NUTM2G: variants seen among roughly 807,000 people sequenced by gnomAD.
NUTM2G encodes the protein family with sequence similarity 22, member G.
NUTM2G carries 29 observed loss-of-function variants against 44.3 expected under a neutral mutation model. The ratio of observed to expected loss-of-function variants is 0.66; its 90% CI spans 0.49 to 0.89. The LOEUF (loss-of-function observed/expected upper bound fraction) is 0.89. NUTM2G is among the 40% of genes least tolerant of loss of function. The probability of loss-of-function intolerance (pLI) is 0.00; values close to 1 mark genes in which losing one functional copy is unlikely to be tolerated. For missense variants in NUTM2G, 502 were observed against 946.5 expected (o/e 0.53, Z 6.16); for synonymous variants, 205 against 395.9 (o/e 0.52, Z 5.72).
At position 96,937,168 on chromosome 9, in the gene NUTM2G, C is replaced by A; in HGVS notation, c.1087C>A (p.Pro363Thr). 2 of 1,612,428 alleles carry A rather than the reference C, an allele frequency of 1.2e-6. No individual in the cohort carries two copies. The highest frequency in any genetic ancestry group is 8.5e-7 in the Non-Finnish European group (1 of 1,179,860). Residue 363 changes from proline (P) to threonine (T), a missense_variant, in exon 5 of 7, where the codon CCC (proline) becomes ACC (threonine). Transcript: ENST00000372322. ...CAAGGCCCACCTGCCACCACCCAGG[C>A]CCCCGAGGCCAGCAGAGACCAAGGT... ...ETKAHLPPPR[P>T]PRPAETKVPE...
chr9:96,941,983 G>C (rs1352593632), downstream of NUTM2G, among the ~76,000 whole-genome samples: 1 of 151,170 alleles, frequency 6.6e-6, no homozygotes, highest in Non-Finnish European at 1.5e-5. Context: ...GCAGGTGCTG[G>C]GGGTATGCTG....
chr9:96,929,056 T>C lies in NUTM2G; in HGVS notation c.16+16T>C, dbSNP rs1826163030. 1 of 1,610,400 alleles carries C rather than the reference T, an allele frequency of 6.2e-7. No homozygotes were observed. The highest frequency in any genetic ancestry group is 8.5e-7 in the Non-Finnish European group (1 of 1,179,564). On this transcript the variant is annotated intron_variant, in intron 1 of 6. Transcript: ENST00000372322. ...TCAAATGGAGGTGAGCCTGTAGGGA[T>C]GGGGCATTATCCTAGTCTGCCTTGC...
rs1349284539 is a variant in NUTM2G, at chr9:96,937,175, G to A, written c.1094G>A (p.Arg365Lys). ...KAHLPPPRPP[R>K]PAETKVPEEI... Reference sequence around the variant, plus strand: ...CACCTGCCACCACCCAGGCCCCCGAGGCCAGCAGAGACCAAGGTCCCTGAG... The same window carrying A: ...CACCTGCCACCACCCAGGCCCCCGAAGCCAGCAGAGACCAAGGTCCCTGAG... Residue 365 changes from arginine (R) to lysine (K), a missense_variant, in exon 5 of 7, where the codon AGG (arginine) becomes AAG (lysine). Physicochemically the swap from Arg to Lys is conservative, Grantham distance 26. Coordinates refer to ENST00000372322, the MANE Select transcript of NUTM2G (RefSeq NM_001170741.3). 1.2e-6 allele frequency: 2 copies of A among 1,612,630 alleles called. No individual in the cohort carries two copies. The highest frequency in any genetic ancestry group is 1.7e-6 in the Non-Finnish European group (2 of 1,179,874).
chr9:96,935,390 G>T lies in NUTM2G; in HGVS notation c.776G>T (p.Arg259Leu), dbSNP rs2479288. Reference protein sequence around the residue: ...PTMTLEEGLWRAMREWQHTSN... With the variant: ...PTMTLEEGLWLAMREWQHTSN... ...ATGACGCTGGAGGAGGGACTGTGGC[G>T]GGCCATGCGGGAATGGCAGCACACG... The change falls in exon 3 of 7, where the codon CGG (arginine) becomes CTG (leucine). Residue 259 changes from arginine (R) to leucine (L), a missense_variant. By Grantham distance (102) the Arg-to-Leu change is moderately radical (BLOSUM62 -2). Coordinates refer to ENST00000372322, the MANE Select transcript of NUTM2G (RefSeq NM_001170741.3). The T allele has an allele frequency of 5.6e-6, 9 of 1,611,380 alleles. No homozygotes were observed. The highest frequency in any genetic ancestry group is 7.6e-6 in the Non-Finnish European group (9 of 1,179,666).
chr9:96,931,685 A>G, intron 1 of NUTM2G, 37 bp from the exon 2 acceptor site: 1 of 1,608,606 alleles, frequency 6.2e-7, no homozygotes, highest in Non-Finnish European at 8.5e-7. Flanking sequence ...GGACCTGGAG[A>G]CGCCAGCTCA....
chr9:96,937,001 C>T, intron 4 of NUTM2G, 63 bp from the exon 5 acceptor site: 1 of 1,420,882 alleles, frequency 7.0e-7, no homozygotes. Flanking sequence ...CTGCCCTCCC[C>T]TGTGTGGTGC....
In NUTM2G at chr9:96,936,563, A is replaced by G; in HGVS notation, c.981A>G (p.Pro327=). ...GPPAPEVVKQ[P]VYLPSKDGPK... ...CTGCCCCTGAGGTGGTCAAGCAGCC[A>G]GGTACAGCTTCCCACATTCCCACAG... Residue 327 remains proline, a splice_region_variant and synonymous_variant, in exon 4 of 7, where the codon CCA becomes CCG. Coordinates refer to ENST00000372322, the MANE Select transcript of NUTM2G (RefSeq NM_001170741.3). The G allele has an allele frequency of 6.4e-7, 1 of 1,551,804 alleles. No individual in the cohort carries two copies. Among genetic ancestry groups the G allele is most frequent in the Non-Finnish European group, 8.6e-7 (1 of 1,156,210 alleles).
chr9:96,935,372 T>C lies in NUTM2G; in HGVS notation c.758T>C (p.Leu253Pro). The C allele has an allele frequency of 1.2e-6, 2 of 1,611,850 alleles. No homozygotes were observed. The highest frequency in any genetic ancestry group is 1.7e-6 in the Non-Finnish European group (2 of 1,179,820). Reference protein sequence around the residue: ...SLARRKPTMTLEEGLWRAMRE... With the variant: ...SLARRKPTMTPEEGLWRAMRE... ...GCCCGGCGGAAGCCCACCATGACGC[T>C]GGAGGAGGGACTGTGGCGGGCCATG... is the stretch of plus-strand genomic sequence containing the variant. Residue 253 changes from leucine (L) to proline (P), a missense_variant, in exon 3 of 7, where the codon CTG becomes CCG. Physicochemically the swap from Leu to Pro is moderately conservative, Grantham distance 98. Transcript: ENST00000372322.
At chr9:96,935,644 G>T (rs182755257) in intron 3 of NUTM2G, among the ~76,000 whole-genome samples, 188 bp downstream of exon 3, 1 of 152,150 alleles carries the variant, frequency 6.6e-6, no homozygotes, top group Admixed American at 6.5e-5. Context: ...TCTCTGTCCC[G>T]CCCTCTTGGG....
chr9:96,931,736 G>A lies in NUTM2G; in HGVS notation c.31G>A (p.Gly11Arg). 1.2e-6 allele frequency: 2 copies of A among 1,611,542 alleles called. No homozygotes were observed. Among genetic ancestry groups the A allele is most frequent in the Non-Finnish European group, 8.5e-7 (1 of 1,179,826 alleles). ...TGTCTCCACAGCATACCCAGTGCTG[G>A]GACCCGGCGTGACCGTGAACCCTGG... MASNGAYPVLGPGVTVNPGTS... is the reference protein window; with the variant it reads MASNGAYPVLRPGVTVNPGTS... The change falls in exon 2 of 7, where the codon GGA becomes AGA. Residue 11 changes from glycine (G) to arginine (R), a missense_variant. Transcript: ENST00000372322.
chr9:96,932,981 T>TTCTTTC (rs552920928), intron 2 of NUTM2G, among the ~76,000 whole-genome samples: 1 of 146,608 alleles, frequency 6.8e-6, no homozygotes, highest in African/African-American at 2.5e-5. Flanking sequence ...TTCTTTTCTT[T>TTCTTTC]TTTTTTTTTT....
intron 4 of NUTM2G, 147 bp from the exon 5 acceptor site, chr9:96,936,917 T>C (rs1826449567): frequency 2.1e-5 from 28 of 1,348,582 alleles, no homozygotes; most frequent in Non-Finnish European, 2.8e-5. Context: ...GTGCCCCTCC[T>C]GCGGCGTCTC....
At chr9:96,930,872 GTTTTTTTTTTTTTTTTTTTTTTTT>G (rs1168888338) in intron 1 of NUTM2G, among the ~76,000 whole-genome samples, 8,074 of 72,468 alleles carry the variant, frequency 0.11, 419 homozygotes, top group Non-Finnish European at 0.14. Flanking sequence ...CCATCCAGTG[GTTTTTTTTTTTTTTTTTTTTTTTT>G]TTTTTTTTTT....
downstream of NUTM2G, chr9:96,940,368 A>G (rs1826563886): frequency 1.3e-5 from 2 of 149,804 alleles, no homozygotes; most frequent in East Asian, 2.2e-4. Context: ...TGAGGACTGC[A>G]TCAGGAGAGG....
downstream of NUTM2G, among the ~76,000 whole-genome samples, chr9:96,940,527 C>A (rs1826566585): frequency 6.6e-6 from 1 of 150,538 alleles, no homozygotes; most frequent in Middle Eastern, 3.2e-3. Flanking sequence ...ATGGACAGGA[C>A]CCAGCACCTG....
intron 2 of NUTM2G, 78 bp downstream of exon 2, chr9:96,932,496 T>C (rs1826295411): frequency 1.7e-6 from 2 of 1,161,982 alleles, no homozygotes; most frequent in Non-Finnish European, 2.5e-6. Context: ...GAGGTCACAC[T>C]GTTCAGGGGA....
At position 96,936,498 on chromosome 9, in the gene NUTM2G, C is replaced by G. The variant is rs766728492; in HGVS notation, c.916C>G (p.Pro306Ala). 3.2e-6 allele frequency: 5 copies of G among 1,549,784 alleles called. No individual in the cohort carries two copies. In the Admixed American group the frequency reaches 9.5e-5, roughly 30 times the overall value. The change falls in exon 4 of 7, where the codon CCT (proline) becomes GCT (alanine). Residue 306 changes from proline to alanine, a missense_variant. By Grantham distance (27) the Pro-to-Ala change is conservative (BLOSUM62 -1). Coordinates refer to ENST00000372322, the MANE Select transcript of NUTM2G (RefSeq NM_001170741.3). The stretch of plus-strand genomic sequence containing the variant: ...GTGGATGAAGGGGCCCCAGAGCCTG[C>G]CTCCTCCAGCCCCGCCGAGGCTTGA... ...SQWMKGPQSLPPPAPPRLEPR... is the reference protein window; with the variant it reads ...SQWMKGPQSLAPPAPPRLEPR...
intron 1 of NUTM2G, 92 bp downstream of exon 1, chr9:96,929,132 G>C (rs1237540596): frequency 6.3e-7 from 1 of 1,575,864 alleles, no homozygotes; most frequent in Non-Finnish European, 8.7e-7. Context: ...ACAGCTTATA[G>C]GGCTGATGTT....
At chr9:96,940,482 C>T (rs1826565864), downstream of NUTM2G, among the ~76,000 whole-genome samples, 1 of 150,302 alleles carries the variant, frequency 6.7e-6, no homozygotes, top group African/African-American at 2.5e-5. Context: ...GCCCCCCTTA[C>T]CCCTAACCCA....
Sources: allele counts gnomAD v4.1 joint callset (sites outside exome capture counted in the v4.1 genomes callset), GRCh38; gene constraint gnomAD v4.1.1; transcripts MANE v1.5; gene names NCBI Gene and HGNC (gene_info 2026-07-23, HGNC 2026-07-21).